Variants in SORBS2 observed in about 807,000 individuals in gnomAD.
The protein encoded by SORBS2 is sorbin and SH3 domain-containing protein 2.
Under a neutral mutation model 97.7 loss-of-function variants are expected in SORBS2, and 46 were observed. The observed-to-expected ratio is 0.47, with a 90% CI of 0.37 to 0.60. SORBS2 has a LOEUF of 0.60. Among genes scored for constraint, SORBS2 ranks in the 20% least tolerant of loss-of-function variants. The probability of loss-of-function intolerance (pLI) is 0.00; values close to 1 mark genes in which losing one functional copy is unlikely to be tolerated. For missense variants in SORBS2, 1,316 were observed against 1,282.3 expected (o/e 1.03, Z -0.40); for synonymous variants, 476 against 473.4 (o/e 1.01, Z -0.07).
At chr4:185,833,799 A>T (rs2099206428) in intron 1 of SORBS2, among the ~76,000 whole-genome samples, 1 of 152,208 alleles carries the variant, frequency 6.6e-6, no homozygotes, top group African/African-American at 2.4e-5. Flanking sequence ...CAAAAATGAA[A>T]ATGTAATAAA....
At chr4:185,689,101 G>A (rs901282858) in intron 2 of SORBS2, among the ~76,000 whole-genome samples, 2 of 152,146 alleles carry the variant, frequency 1.3e-5, no homozygotes, top group African/African-American at 4.8e-5. Flanking sequence ...TGAATTATAT[G>A]AATAGGAAGG....
rs1579482541 is a variant in SORBS2, at chr4:185,916,678, G to T, written c.-338+39518C>A. Among the ~76,000 whole-genome samples the T allele has an allele frequency of 2.0e-5, 3 of 152,326 alleles. No homozygotes were observed. The Middle Eastern group carries it at 0.01, about 518-fold the overall frequency. ...CCAGGGGACATTTTCTGTGTCTGGA[G>T]ACATTTTTGATTGTCACAACTAGGG... On this transcript the variant is annotated intron_variant, in intron 1 of 20. Coordinates refer to the SORBS2 transcript ENST00000284776.
intron 1 of SORBS2, among the ~76,000 whole-genome samples, chr4:185,924,606 T>G (rs1045740479): frequency 1.3e-5 from 2 of 152,192 alleles, no homozygotes; most frequent in African/African-American, 4.8e-5. Flanking sequence ...TAGAACATCA[T>G]GGCGCCCTGC....
At chr4:185,835,591 A>T (rs1268390565) in intron 1 of SORBS2, among the ~76,000 whole-genome samples, 5 of 152,084 alleles carry the variant, frequency 3.3e-5, no homozygotes, top group African/African-American at 9.7e-5. Flanking sequence ...TGTTCAAAAA[A>T]GGTGATCACG....
chr4:185,785,555 G>A (rs972738720), intron 1 of SORBS2, among the ~76,000 whole-genome samples: 6 of 152,110 alleles, frequency 3.9e-5, no homozygotes, highest in Non-Finnish European at 5.9e-5. Context: ...GTACTTACCC[G>A]CCACCATCAA....
intron 1 of SORBS2, among the ~76,000 whole-genome samples, chr4:185,829,974 C>T (rs1418931006): frequency 1.3e-5 from 2 of 152,134 alleles, no homozygotes; most frequent in African/African-American, 2.4e-5. Context: ...GGATACCTAA[C>T]ACTCCTGCAT....
chr4:185,936,868 C>T lies in SORBS2; in HGVS notation c.-338+19328G>A, dbSNP rs181332795. ...ACAGCACAGCATGCACGGCACGGCA[C>T]AGCATGGCACGGGCTGTCAGTTTCA... On this transcript the variant is annotated intron_variant, in intron 1 of 20. Transcript: ENST00000284776. Among the ~76,000 whole-genome samples the T allele has an allele frequency of 1.4e-3, 216 of 152,322 alleles. 1 individual carries two copies. The highest frequency in any genetic ancestry group is 1.5e-3 in the Admixed American group (23 of 15,304).
At chr4:185,604,831 A>G (rs2096368450) in intron 12 of SORBS2, among the ~76,000 whole-genome samples, 1 of 152,124 alleles carries the variant, frequency 6.6e-6, no homozygotes, top group Admixed American at 6.5e-5. Flanking sequence ...GAAGGAAAAA[A>G]GTATTTAAAA....
chr4:185,597,888 G>C (rs2096151761), intron 12 of SORBS2, among the ~76,000 whole-genome samples: 1 of 152,160 alleles, frequency 6.6e-6, no homozygotes, highest in Non-Finnish European at 1.5e-5. Flanking sequence ...TATTTTAAAG[G>C]CCGCAGAGTG....
chr4:185,940,477 T>A (rs2099271402), intron 1 of SORBS2, among the ~76,000 whole-genome samples: 1 of 152,198 alleles, frequency 6.6e-6, no homozygotes, highest in Admixed American at 6.5e-5. Flanking sequence ...TGACTGCTCC[T>A]GTCCAAGCCC....
At chr4:185,753,741 G>A (rs1168818282) in intron 2 of SORBS2, among the ~76,000 whole-genome samples, 2 of 152,092 alleles carry the variant, frequency 1.3e-5, no homozygotes, top group African/African-American at 4.8e-5. Flanking sequence ...AAATTCTCTG[G>A]TGTTTTTTCT....
chr4:185,708,766 A>C (rs985649735), intron 2 of SORBS2, among the ~76,000 whole-genome samples: 2 of 152,200 alleles, frequency 1.3e-5, no homozygotes, highest in African/African-American at 4.8e-5. Context: ...CAAATCATTA[A>C]GGCAAGGGGG....
intron 2 of SORBS2, among the ~76,000 whole-genome samples, chr4:185,695,252 T>C (rs1004486433): frequency 2.0e-5 from 3 of 152,104 alleles, no homozygotes; most frequent in Non-Finnish European, 4.4e-5. Flanking sequence ...CTTTCCCCAG[T>C]TTTGGCTAAG....
intron 1 of SORBS2, among the ~76,000 whole-genome samples, chr4:185,934,448 G>T (rs1345676148): frequency 6.6e-6 from 1 of 152,066 alleles, no homozygotes; most frequent in African/African-American, 2.4e-5. Context: ...AGCAATATGA[G>T]ATTTTACATA....
chr4:185,678,697 T>C (rs1208236848), intron 3 of SORBS2, 99 bp downstream of exon 6: 5 of 1,159,232 alleles, frequency 4.3e-6, no homozygotes, highest in Non-Finnish European at 6.0e-6. Context: ...TAACAGTACA[T>C]GAAATTTAAA....
chr4:185,718,221 T>C (rs768799311), intron 2 of SORBS2, among the ~76,000 whole-genome samples: 45 of 151,476 alleles, frequency 3.0e-4, no homozygotes, highest in Non-Finnish European at 5.6e-4. Flanking sequence ...TCAGAGTGTC[T>C]GTCTCAAAGA....
chr4:185,597,655 G>A (rs1243321095), intron 12 of SORBS2, among the ~76,000 whole-genome samples: 1 of 152,226 alleles, frequency 6.6e-6, no homozygotes, highest in Non-Finnish European at 1.5e-5. Flanking sequence ...AGGTGCAAAT[G>A]TCCTATAAGG....
intron 9 of SORBS2, among the ~76,000 whole-genome samples, chr4:185,615,521 T>A (rs985761050): frequency 1.3e-5 from 2 of 152,086 alleles, no homozygotes; most frequent in South Asian, 2.1e-4. Context: ...TGATTTTTTT[T>A]TTTTTTGTCC....
intron 1 of SORBS2, among the ~76,000 whole-genome samples, chr4:185,818,698 C>T (rs1401806520): frequency 1.3e-4 from 19 of 151,754 alleles, no homozygotes; most frequent in African/African-American, 4.3e-4. Flanking sequence ...TGGTGGTGGG[C>T]GCCTGTAGTC....
Sources: gnomAD v4.1 joint callset for allele counts (sites outside exome capture counted in the v4.1 genomes callset) on GRCh38, gnomAD v4.1.1 for gene constraint, MANE v1.5 for transcripts, NCBI Gene and HGNC (gene_info 2026-07-23, HGNC 2026-07-21) for gene names.